CUEDC1: variants seen among roughly 807,000 people sequenced by gnomAD.
CUEDC1 encodes the protein CUE domain containing 1, also known as CUE domain-containing protein 1.
A neutral mutation model predicts 43.7 loss-of-function variants in CUEDC1; 30 were observed. That is an observed-to-expected ratio of 0.69 (90% CI 0.51 to 0.93). The LOEUF is 0.93. Among genes scored for constraint, CUEDC1 ranks in the 40% least tolerant of loss-of-function variants. The pLI, the probability that CUEDC1 is intolerant of heterozygous loss-of-function variation, is 0.00. For missense variants in CUEDC1, 486 were observed against 549.0 expected, an observed-to-expected ratio of 0.89 and a Z score of 1.15; for synonymous variants, 223 against 223.6, an observed-to-expected ratio of 1.00 and a Z score of 0.02.
At chr17:57,880,908 C>T (rs2074196076) in intron 2 of CUEDC1, among the ~76,000 whole-genome samples, 1 of 152,212 alleles carries the variant, frequency 6.6e-6, no homozygotes, top group Admixed American at 6.5e-5. Flanking sequence ...ACCTTCGCCT[C>T]CCGCTCACTC....
intron 1 of CUEDC1, among the ~76,000 whole-genome samples, chr17:57,895,398 C>A (rs775578175): frequency 1.4e-4 from 22 of 152,130 alleles, no homozygotes; most frequent in Non-Finnish European, 3.1e-4. Context: ...CAGGGTTGCC[C>A]CTGGAGAGGC....
intron 10 of CUEDC1, among the ~76,000 whole-genome samples, chr17:57,865,658 G>A (rs1328801809): frequency 1.3e-5 from 2 of 152,128 alleles, no homozygotes; most frequent in Non-Finnish European, 2.9e-5. Flanking sequence ...AGGAAGCGAG[G>A]AGGAGAAATG....
chr17:57,875,047 C>A (rs548675906), intron 3 of CUEDC1, among the ~76,000 whole-genome samples: 23 of 152,110 alleles, frequency 1.5e-4, no homozygotes, highest in African/African-American at 5.1e-4. Flanking sequence ...CAACCCGGGA[C>A]TCCCATTCCT....
rs144238101 is a variant in CUEDC1, at chr17:57,879,658, G to A, written c.417C>T (p.His139=). The change falls in exon 3 of 11, where the codon CAC becomes CAT. Residue 139 remains histidine (H), a synonymous_variant. Transcript: ENST00000577830. ...CCAGAGGGTAGGGCCGGTCGAACAC[G>A]TGCATGTGGTAGGCTGGCGGGGAGT... ...PVYSPPAYHM[H]VFDRPYPLAP... 3.6e-5 allele frequency: 58 copies of A among 1,604,414 alleles called. No individual in the cohort carries two copies. The highest frequency in any genetic ancestry group is 6.7e-5 in the African/African-American group (5 of 74,138).
In CUEDC1 at chr17:57,928,316, G is replaced by A. The variant is rs571024522; in HGVS notation, c.-316+26909C>T. 8.5e-5 allele frequency among the ~76,000 whole-genome samples: 13 copies of A among 152,114 alleles called. No individual in the cohort carries two copies. In the South Asian group the frequency reaches 1.9e-3, roughly 22 times the overall value. ...TATAATCCCAGCACTTTGGGAGGCC[G>A]AGGTGGGCGGATCACCAGGTCAGGA... On this transcript the variant is annotated intron_variant, in intron 1 of 10. Coordinates refer to ENST00000577830, the MANE Select transcript of CUEDC1 (RefSeq NM_001271875.2).
chr17:57,942,488 A>G (rs1206901303), intron 1 of CUEDC1, among the ~76,000 whole-genome samples: 5 of 151,922 alleles, frequency 3.3e-5, no homozygotes, highest in Non-Finnish European at 7.4e-5. Context: ...TCCTGGGTTC[A>G]AGTGATTCTC....
chr17:57,866,436 T>G (rs2073958845), intron 10 of CUEDC1, 38 bp downstream of exon 10: 15 of 1,603,326 alleles, frequency 9.4e-6, no homozygotes, highest in Non-Finnish European at 1.3e-5. Flanking sequence ...GGCCCTGGCC[T>G]TGGGCAGTCC....
chr17:57,876,679 G>A (rs938044112), intron 3 of CUEDC1, among the ~76,000 whole-genome samples: 6 of 152,228 alleles, frequency 3.9e-5, no homozygotes, highest in Admixed American at 2.6e-4. Context: ...ACAAGGCACT[G>A]GAGATGGCCT....
At chr17:57,913,161 A>G (rs903529480) in intron 1 of CUEDC1, among the ~76,000 whole-genome samples, 1 of 152,092 alleles carries the variant, frequency 6.6e-6, no homozygotes, top group Non-Finnish European at 1.5e-5. Flanking sequence ...CCCCGCCTCT[A>G]CTAAAAATAC....
intron 1 of CUEDC1, among the ~76,000 whole-genome samples, chr17:57,935,829 C>T (rs2074856629): frequency 6.6e-6 from 1 of 152,162 alleles, no homozygotes; most frequent in African/African-American, 2.4e-5. Context: ...GCCCCCTTGA[C>T]TGCTGGAAGC....
chr17:57,924,504 A>C (rs1222864735), intron 1 of CUEDC1, among the ~76,000 whole-genome samples: 2 of 152,174 alleles, frequency 1.3e-5, no homozygotes, highest in Non-Finnish European at 2.9e-5. Flanking sequence ...TGTGTAAATC[A>C]ATAGAACTGG....
intron 2 of CUEDC1, among the ~76,000 whole-genome samples, chr17:57,882,134 A>T (rs1322016270): frequency 6.6e-6 from 1 of 152,168 alleles, no homozygotes; most frequent in Non-Finnish European, 1.5e-5. Context: ...ATACTTCTCC[A>T]TGGCAAGGAT....
chr17:57,906,938 T>C (rs1222867689), intron 1 of CUEDC1, among the ~76,000 whole-genome samples: 3 of 136,838 alleles, frequency 2.2e-5, no homozygotes, highest in African/African-American at 8.5e-5. Flanking sequence ...GCCATTGCAC[T>C]CCAGCCTGGG....
chr17:57,905,378 G>C (rs780202785), intron 1 of CUEDC1, among the ~76,000 whole-genome samples: 1 of 152,078 alleles, frequency 6.6e-6, no homozygotes, highest in Admixed American at 6.6e-5. Flanking sequence ...CGCTGCCTGC[G>C]TGCTGAGGCC....
chr17:57,944,947 G>C (rs1353940087), intron 1 of CUEDC1, among the ~76,000 whole-genome samples: 1 of 152,196 alleles, frequency 6.6e-6, no homozygotes, highest in Non-Finnish European at 1.5e-5. Context: ...CGCCCCATCA[G>C]AGGTGTCAAG....
intron 10 of CUEDC1, among the ~76,000 whole-genome samples, chr17:57,864,614 G>GT (rs760912492): frequency 8.5e-4 from 129 of 152,278 alleles, no homozygotes; most frequent in Non-Finnish European, 1.7e-3. Context: ...GTCAATCCGA[G>GT]TGATGGGAGG....
At chr17:57,906,845 G>A (rs993915109) in intron 1 of CUEDC1, among the ~76,000 whole-genome samples, 12 of 151,906 alleles carry the variant, frequency 7.9e-5, no homozygotes, top group Non-Finnish European at 1.5e-4. Flanking sequence ...GATGGCGGGC[G>A]CCTGTAATCC....
intron 10 of CUEDC1, among the ~76,000 whole-genome samples, chr17:57,864,616 G>A (rs923228562): frequency 6.6e-5 from 10 of 152,158 alleles, no homozygotes; most frequent in Non-Finnish European, 1.0e-4. Flanking sequence ...CAATCCGAGT[G>A]ATGGGAGGGG....
intron 8 of CUEDC1, chr17:57,867,757 A>G: frequency 2.1e-6 from 1 of 472,798 alleles, no homozygotes; most frequent in Non-Finnish European, 3.9e-6. Flanking sequence ...TACTCGAGGA[A>G]GGGAGGGCCA....
Sources: gnomAD v4.1 joint callset for allele counts (sites outside exome capture counted in the v4.1 genomes callset) on GRCh38, gnomAD v4.1.1 for gene constraint, MANE v1.5 for transcripts, NCBI Gene and HGNC (gene_info 2026-07-23, HGNC 2026-07-21) for gene names.